Variants in MYO9B observed in about 807,000 individuals in gnomAD.
MYO9B encodes the protein myosin IXB.
Under a neutral mutation model 229.5 loss-of-function variants are expected in MYO9B, and 71 were observed. That is an observed-to-expected ratio of 0.31 (90% confidence interval 0.26 to 0.38). The LOEUF is 0.38. Among genes scored for constraint, MYO9B ranks in the 10% least tolerant of loss-of-function variants. The probability of loss-of-function intolerance (pLI) is 1.00; values close to 1 mark genes in which losing one functional copy is unlikely to be tolerated. For missense variants in MYO9B, 2,255 were observed against 2,920.5 expected (o/e 0.77, Z 5.25); for synonymous variants, 1,185 against 1,235.8 (o/e 0.96, Z 0.86).
At position 17,180,942 on chromosome 19, in the gene MYO9B, A is replaced by T; in HGVS notation, c.2235A>T (p.Gln745His). The change falls in exon 15 of 40, where the codon CAA (glutamine) becomes CAT (histidine). Residue 745 changes from glutamine (Q) to histidine (H), a missense_variant. By Grantham distance (24) the Gln-to-His change is conservative. This residue lies in a region of MYO9B where 155 missense variants were observed against 159.1 expected (regional missense o/e 0.97). Transcript: ENST00000682292. ...SEKLYRDLHN[Q>H]MIKSIKGLPW... Reference sequence around the variant, plus strand: ...CTCCCCTCAGCGATTTGCATAACCAAATGATCAAGAGCATCAAAGGATTGC... The same window carrying T: ...CTCCCCTCAGCGATTTGCATAACCATATGATCAAGAGCATCAAAGGATTGC... The T allele has an allele frequency of 6.2e-7, 1 of 1,607,452 alleles. No individual in the cohort carries two copies. The highest frequency in any genetic ancestry group is 1.3e-5 in the African/African-American group (1 of 74,758).
chr19:17,078,682 G>A (rs747084279), intron 1 of MYO9B, among the ~76,000 whole-genome samples: 2 of 152,184 alleles, frequency 1.3e-5, no homozygotes, highest in Non-Finnish European at 2.9e-5. Flanking sequence ...AAGTTTCCTC[G>A]GAAGTAGTGG....
In MYO9B at chr19:17,195,985, C is replaced by T. The variant is rs975980230; in HGVS notation, c.4046+512C>T. On this transcript the variant is annotated intron_variant, in intron 22 of 39. Coordinates refer to ENST00000682292, the MANE Select transcript of MYO9B (RefSeq NM_004145.4). This position sits in a 1 kb window ranked among gnomAD's most constrained non-coding sequence, Gnocchi z 4.5. Reference sequence around the variant, plus strand: ...CAGGCCTGCTCAGCCTCCCACTGCTCGTATTGGGGGCCAGATCATTCTCTG... The same window carrying T: ...CAGGCCTGCTCAGCCTCCCACTGCTTGTATTGGGGGCCAGATCATTCTCTG... Among the ~76,000 whole-genome samples, 3 of 151,774 alleles carry T rather than the reference C, an allele frequency of 2.0e-5. No homozygotes were observed. Among genetic ancestry groups the T allele is most frequent in the African/African-American group, 4.8e-5 (2 of 41,272 alleles).
chr19:17,212,628 A>C lies in MYO9B; in HGVS notation c.*318A>C, dbSNP rs1267304000. ...TTTGTACGTGGTTTACGTAACTTTAAACTGTAACAGCCTTAATGGAAGACC... is the reference window on the plus strand; with the variant it reads ...TTTGTACGTGGTTTACGTAACTTTACACTGTAACAGCCTTAATGGAAGACC... On this transcript the variant is annotated 3_prime_UTR_variant, in exon 40 of 40. Transcript: ENST00000682292. This position sits in a 1 kb window ranked among gnomAD's most constrained non-coding sequence, Gnocchi z 5.4. 2.7e-6 allele frequency: 1 copy of C among 365,294 alleles called. No individual in the cohort carries two copies. Among genetic ancestry groups the C allele is most frequent in the Non-Finnish European group, 4.9e-6 (1 of 203,302 alleles). The allele number at this position is 365,294 out of a possible 1,614,324, so 22.6% of individuals were successfully genotyped here. A position where few individuals can be genotyped will look rare whatever the true frequency, so the allele number is the denominator to read the frequency against.
Position 17,211,759 on chromosome 19 carries a change from C to G in MYO9B, c.6043C>G (p.Arg2015Gly), listed in dbSNP as rs1568305971. 2 of 1,612,940 alleles carry G rather than the reference C, an allele frequency of 1.2e-6. No homozygotes were observed. The highest frequency in any genetic ancestry group is 1.1e-5 in the South Asian group (1 of 91,042). ...GAGCCTGCTGGAGGAGCGGGCCGGG[C>G]GGGGGGCCTCGGAAGGTCAGTATTA... ...TESLLEERAG[R>G]GASEGPPAPA... The change falls in exon 39 of 40, where the codon CGG becomes GGG. Residue 2015 changes from arginine (R) to glycine (G), a missense_variant. Arg to Gly is a moderately radical substitution (Grantham distance 125). This residue lies in a region of MYO9B where 331 missense variants were observed against 332.5 expected (regional missense o/e 1.00). Transcript: ENST00000682292.
At chr19:17,175,637 C>T in intron 13 of MYO9B, 26 bp from the exon 14 acceptor site, 2 of 1,537,952 alleles carry the variant, frequency 1.3e-6, no homozygotes, top group Non-Finnish European at 1.8e-6. Flanking sequence ...CCATCCCCAC[C>T]ACCATCCACT....
intron 1 of MYO9B, among the ~76,000 whole-genome samples, chr19:17,093,009 C>T (rs1447351304): frequency 1.3e-5 from 2 of 152,144 alleles, no homozygotes; most frequent in African/African-American, 4.8e-5. Flanking sequence ...TATGCCAGTG[C>T]ACACACACAT....
At position 17,192,787 on chromosome 19, in the gene MYO9B, G is replaced by A. The variant is rs751803333; in HGVS notation, c.2853G>A (p.Thr951=). Residue 951 remains threonine, a synonymous_variant, in exon 21 of 40, where the codon ACG becomes ACA. Transcript: ENST00000682292. The part of the protein sequence containing the change: ...KETERQALQE[T]LHREVVRKIL... ...CGGAGCGGCAAGCCCTGCAGGAGAC[G>A]CTGCACCGGGAGGTGGTGCGGAAAA... 133 of 1,558,900 alleles carry A rather than the reference G, an allele frequency of 8.5e-5. No homozygotes were observed. The highest frequency in any genetic ancestry group is 7.2e-5 in the East Asian group (3 of 41,514).
chr19:17,145,561 G>A, intron 3 of MYO9B, 70 bp downstream of exon 3: 1 of 1,288,678 alleles, frequency 7.8e-7, no homozygotes. Flanking sequence ...ACACACACAT[G>A]GGAGTGAGAT....
intron 1 of MYO9B, among the ~76,000 whole-genome samples, chr19:17,085,148 G>T (rs1258106515): frequency 6.6e-6 from 1 of 152,164 alleles, no homozygotes; most frequent in African/African-American, 2.4e-5. Flanking sequence ...GGGAGTGGCT[G>T]TTTCACCGAA....
intron 35 of MYO9B, 75 bp from the exon 36 acceptor site, chr19:17,209,511 G>T (rs2073201634): frequency 5.4e-6 from 8 of 1,492,264 alleles, no homozygotes; most frequent in Admixed American, 2.1e-5. Context: ...CCAGGCACCA[G>T]CTAGCATCTC....
chr19:17,097,437 C>T (rs192369041), intron 1 of MYO9B, among the ~76,000 whole-genome samples: 14 of 152,030 alleles, frequency 9.2e-5, no homozygotes, highest in African/African-American at 3.4e-4. Context: ...TATCTCATGA[C>T]CTGGAGGAAC....
chr19:17,203,129 C>T lies in MYO9B; in HGVS notation c.4879-18C>T. The T allele has an allele frequency of 6.4e-7, 1 of 1,553,184 alleles. No homozygotes were observed. Among genetic ancestry groups the T allele is most frequent in the African/African-American group, 1.4e-5 (1 of 73,306 alleles). On this transcript the variant is annotated intron_variant, in intron 29 of 39. Transcript: ENST00000682292. Reference sequence around the variant, plus strand: ...GCCTTCCCCTTTCCCTGCCCAGCGCCTTCCTCTGGCCTCACAGGTCCAGGA... The same window carrying T: ...GCCTTCCCCTTTCCCTGCCCAGCGCTTTCCTCTGGCCTCACAGGTCCAGGA...
chr19:17,127,397 G>T (rs1214753593), intron 2 of MYO9B, among the ~76,000 whole-genome samples: 1 of 150,074 alleles, frequency 6.7e-6, no homozygotes, highest in African/African-American at 2.5e-5. Context: ...CGCAATCTTG[G>T]CTCACTGCAA....
At position 17,201,924 on chromosome 19, in the gene MYO9B, A is replaced by G; in HGVS notation, c.4564-2A>G. On this transcript the variant is annotated splice_acceptor_variant, in intron 26 of 39. Transcript: ENST00000682292. LOFTEE classifies it high-confidence loss of function. The stretch of plus-strand genomic sequence containing the variant: ...GCAGGGTCAGTTCCTCTCCCCTTCC[A>G]GATAAATGACCTCCGTTCCCAGAAG... 1 of 1,610,864 alleles carries G rather than the reference A, an allele frequency of 6.2e-7. No homozygotes were observed. The highest frequency in any genetic ancestry group is 8.5e-7 in the Non-Finnish European group (1 of 1,178,430).
intron 2 of MYO9B, among the ~76,000 whole-genome samples, chr19:17,112,943 T>A (rs2057862906): frequency 6.6e-6 from 1 of 152,124 alleles, no homozygotes; most frequent in South Asian, 2.1e-4. Context: ...ATTTCAGGGA[T>A]GAGATTCAGG....
chr19:17,162,990 C>T lies in MYO9B; in HGVS notation c.1539C>T (p.Cys513=). ...ACCATTTTCTCTGTCTCTCCCAGTG[C>T]CTGTCCATTGGGGTCCTGGACATCT... ...NKKDVEEAVS[C]LSIGVLDIFG... The change falls in exon 10 of 40, where the codon TGC becomes TGT. Residue 513 remains cysteine, a splice_region_variant and synonymous_variant. Transcript: ENST00000682292. 6.2e-7 allele frequency: 1 copy of T among 1,609,592 alleles called. No homozygotes were observed.
chr19:17,080,301 A>G (rs2057523096), intron 1 of MYO9B, among the ~76,000 whole-genome samples: 1 of 152,162 alleles, frequency 6.6e-6, no homozygotes. Context: ...GGCCAGAACG[A>G]CAGAAGTATA....
Position 17,194,455 on chromosome 19 carries a change from C to T in MYO9B, c.3129-101C>T, listed in dbSNP as rs1422561346. ...TCAGGGCCACTGGGCACAGGCGAAGCCCCGTCTGCAGCCCGCAGGCTGGGG... is the reference window on the plus strand; with the variant it reads ...TCAGGGCCACTGGGCACAGGCGAAGTCCCGTCTGCAGCCCGCAGGCTGGGG... On this transcript the variant is annotated intron_variant, in intron 21 of 39. Coordinates refer to ENST00000682292, the MANE Select transcript of MYO9B (RefSeq NM_004145.4). The T allele has an allele frequency of 3.0e-6, 4 of 1,345,994 alleles. No individual in the cohort carries two copies. The African/African-American group carries it at 5.8e-5, about 20-fold the overall frequency. The allele number at this position is 1,345,994 out of a possible 1,614,324, so 83.4% of individuals were successfully genotyped here. A position where few individuals can be genotyped will look rare whatever the true frequency, so the allele number is the denominator to read the frequency against.
intron 2 of MYO9B, among the ~76,000 whole-genome samples, chr19:17,104,846 A>G (rs1599326964): frequency 6.6e-6 from 1 of 152,124 alleles, no homozygotes; most frequent in Admixed American, 6.5e-5. Context: ...AGGTTCTCAC[A>G]TTATTTATAT....
Sources: allele counts gnomAD v4.1 joint callset (sites outside exome capture counted in the v4.1 genomes callset), GRCh38; gene constraint gnomAD v4.1.1; regional missense constraint gnomAD v4.1.1; non-coding constraint Gnocchi (gnomAD v3.1); transcripts MANE v1.5; gene names NCBI Gene and HGNC (gene_info 2026-07-23, HGNC 2026-07-21).